The following UMAD1 variants were observed in gnomAD, a reference collection of about 807,000 sequenced individuals.
UMAD1 encodes UBAP1-MVB12-associated (UMA)-domain containing protein 1.
UMAD1 carries 8 observed loss-of-function variants against 6.1 expected under a neutral mutation model. That is an observed-to-expected ratio of 1.30 (90% CI 0.76 to 2.35). The LOEUF is 2.35. UMAD1 is among the 30% of genes most tolerant of loss of function. UMAD1 has a pLI of 0.00. For missense variants in UMAD1, 130 were observed against 78.4 expected, an observed-to-expected ratio of 1.66 and a Z score of -2.49; for synonymous variants, 56 against 31.4, an observed-to-expected ratio of 1.78 and a Z score of -2.61.
chr7:7,844,803 C>T (rs1369633854), intron 3 of UMAD1, among the ~76,000 whole-genome samples: 1 of 152,096 alleles, frequency 6.6e-6, no homozygotes, highest in Non-Finnish European at 1.5e-5. Flanking sequence ...ATATGTTAAA[C>T]ACATTCACAT....
intron 2 of UMAD1, among the ~76,000 whole-genome samples, chr7:7,710,013 C>A (rs1257951871): frequency 1.3e-5 from 2 of 152,082 alleles, no homozygotes; most frequent in African/African-American, 4.8e-5. Flanking sequence ...TGTTTTACAA[C>A]CATATATAAA....
At chr7:7,790,877 G>C (rs1424797106) in intron 2 of UMAD1, among the ~76,000 whole-genome samples, 1 of 151,366 alleles carries the variant, frequency 6.6e-6, no homozygotes, top group Admixed American at 6.6e-5. Flanking sequence ...TGATTTGCAA[G>C]TGACTGTTTT....
At chr7:7,829,994 A>T (rs1305158954) in intron 3 of UMAD1, among the ~76,000 whole-genome samples, 4 of 152,184 alleles carry the variant, frequency 2.6e-5, no homozygotes, top group Non-Finnish European at 5.9e-5. Context: ...TTTACTACAG[A>T]GTCTTCCGAC....
intron 1 of UMAD1, among the ~76,000 whole-genome samples, chr7:7,659,418 T>C (rs1027020184): frequency 3.3e-5 from 5 of 152,238 alleles, no homozygotes; most frequent in African/African-American, 9.6e-5. Flanking sequence ...TTTAGATCTT[T>C]CCCACTTTCT....
intron 2 of UMAD1, among the ~76,000 whole-genome samples, chr7:7,674,226 C>T (rs899912919): frequency 2.0e-5 from 3 of 152,180 alleles, no homozygotes; most frequent in Non-Finnish European, 2.9e-5. Context: ...CTCATATGGT[C>T]TTCACTCCCT....
intron 2 of UMAD1, among the ~76,000 whole-genome samples, chr7:7,681,468 G>A (rs752838097): frequency 5.3e-5 from 8 of 151,940 alleles, no homozygotes; most frequent in African/African-American, 1.7e-4. Flanking sequence ...TTAAGATTTC[G>A]AAAGCTTTTA....
At chr7:7,704,281 A>G (rs1405135296) in intron 2 of UMAD1, among the ~76,000 whole-genome samples, 2 of 152,204 alleles carry the variant, frequency 1.3e-5, no homozygotes, top group Non-Finnish European at 2.9e-5. Flanking sequence ...AGAAACATTC[A>G]TGTAAATATG....
intron 2 of UMAD1, among the ~76,000 whole-genome samples, chr7:7,766,186 T>C (rs1295794280): frequency 6.6e-6 from 1 of 152,230 alleles, no homozygotes; most frequent in Non-Finnish European, 1.5e-5. Flanking sequence ...AAAATTTACT[T>C]GTCTGTTTTT....
chr7:7,869,072 C>G (rs892275648), intron 3 of UMAD1, among the ~76,000 whole-genome samples: 2 of 152,204 alleles, frequency 1.3e-5, no homozygotes, highest in African/African-American at 4.8e-5. Flanking sequence ...AGGACACCAA[C>G]TCTCAGGCAT....
chr7:7,701,630 A>G (rs1215748062), intron 2 of UMAD1, among the ~76,000 whole-genome samples: 2 of 152,128 alleles, frequency 1.3e-5, no homozygotes, highest in South Asian at 2.1e-4. Flanking sequence ...GGTCTTGCTT[A>G]TAAGGTCCTA....
intron 2 of UMAD1, among the ~76,000 whole-genome samples, chr7:7,687,509 A>G (rs1780067046): frequency 6.6e-6 from 1 of 152,214 alleles, no homozygotes; most frequent in African/African-American, 2.4e-5. Flanking sequence ...AGGGCCACAT[A>G]TAGGCCTTCC....
intron 2 of UMAD1, among the ~76,000 whole-genome samples, chr7:7,701,113 A>C (rs1411589317): frequency 6.6e-6 from 1 of 152,212 alleles, no homozygotes; most frequent in East Asian, 1.9e-4. Flanking sequence ...CATTTGGTTA[A>C]TATTCCAGTT....
At chr7:7,865,084 T>C (rs956048735) in intron 3 of UMAD1, among the ~76,000 whole-genome samples, 1 of 152,156 alleles carries the variant, frequency 6.6e-6, no homozygotes, top group African/African-American at 2.4e-5. Flanking sequence ...GAGGGTATCC[T>C]CTGTAATAAG....
rs34872826 is a variant in UMAD1, at chr7:7,837,431, A to G, written c.156+35688A>G. Reference sequence around the variant, plus strand: ...TAAACTAAAATTGATTGGTGAAACAATAATGTAATGGCTTATAGCCAACAA... The same window carrying G: ...TAAACTAAAATTGATTGGTGAAACAGTAATGTAATGGCTTATAGCCAACAA... On this transcript the variant is annotated intron_variant, in intron 3 of 3. Transcript: ENST00000682710. Among the ~76,000 whole-genome samples the G allele has an allele frequency of 4.5e-3, 688 of 152,256 alleles. 1 individual carries two copies. Among genetic ancestry groups the G allele is most frequent in the Non-Finnish European group, 8.1e-3 (548 of 67,968 alleles).
At chr7:7,700,876 G>A (rs1020598056) in intron 2 of UMAD1, among the ~76,000 whole-genome samples, 8 of 151,438 alleles carry the variant, frequency 5.3e-5, no homozygotes, top group Non-Finnish European at 1.2e-4. Context: ...TAACAAGAGC[G>A]AGACTCCATC....
At chr7:7,667,852 A>G (rs17169379) in intron 1 of UMAD1, among the ~76,000 whole-genome samples, 88,459 of 152,028 alleles carry the variant, frequency 0.58, 25,998 homozygotes, top group East Asian at 0.8. Context: ...GTGCCAATAG[A>G]ATTTGGTTTA....
chr7:7,859,885 A>T (rs1002239331), intron 3 of UMAD1, among the ~76,000 whole-genome samples: 1 of 152,216 alleles, frequency 6.6e-6, no homozygotes, highest in African/African-American at 2.4e-5. Flanking sequence ...CCTTTAAGAA[A>T]TTCCAGGTTG....
intron 2 of UMAD1, among the ~76,000 whole-genome samples, chr7:7,731,291 C>T (rs1293313466): frequency 6.6e-6 from 1 of 152,108 alleles, no homozygotes; most frequent in African/African-American, 2.4e-5. Flanking sequence ...TCAGCCACTG[C>T]ACCCGGCCTC....
intron 2 of UMAD1, among the ~76,000 whole-genome samples, chr7:7,773,746 TG>T (rs1782146163): frequency 6.6e-6 from 1 of 152,176 alleles, no homozygotes; most frequent in East Asian, 1.9e-4. Flanking sequence ...CATTTTTATA[TG>T]TTGATTTTCT....
Sources: gnomAD v4.1 joint callset for allele counts (sites outside exome capture counted in the v4.1 genomes callset) on GRCh38, gnomAD v4.1.1 for gene constraint, MANE v1.5 for transcripts, NCBI Gene and HGNC (gene_info 2026-07-23, HGNC 2026-07-21) for gene names.